The following OTOG variants were observed in gnomAD, a reference collection of about 807,000 sequenced individuals.
OTOG encodes the protein otogelin.
A neutral mutation model predicts 313.8 loss-of-function variants in OTOG; 296 were observed. The observed-to-expected ratio is 0.94, with a 90% CI of 0.86 to 1.04. The LOEUF is 1.04. OTOG is among the 50% of genes least tolerant of loss of function. OTOG has a pLI of 0.00. For missense variants in OTOG, 3,948 were observed against 3,840.1 expected (o/e 1.03, Z -0.74); for synonymous variants, 1,533 against 1,554.9 (o/e 0.99, Z 0.33).
intron 39 of OTOG, 36 bp downstream of exon 39, chr11:17,613,737 CCA>C (rs2134099829): frequency 1.3e-6 from 2 of 1,521,946 alleles, no homozygotes; most frequent in East Asian, 4.9e-5. Context: ...CAGGGCAGGG[CCA>C]CAGTCAGCTG....
chr11:17,553,771 T>C (rs1486524605), intron 6 of OTOG, among the ~76,000 whole-genome samples: 1 of 152,240 alleles, frequency 6.6e-6, no homozygotes, highest in Non-Finnish European at 1.5e-5. Flanking sequence ...TACTGTACTC[T>C]TTTCTGGCAT....
At chr11:17,622,834 G>A (rs567804804) in intron 39 of OTOG, among the ~76,000 whole-genome samples, 25 of 152,274 alleles carry the variant, frequency 1.6e-4, no homozygotes, top group East Asian at 3.9e-4. Flanking sequence ...ATATCACTTC[G>A]ATATACGGAT....
intron 29 of OTOG, among the ~76,000 whole-genome samples, chr11:17,596,380 C>G (rs369974178): frequency 2.0e-5 from 3 of 152,334 alleles, no homozygotes; most frequent in Non-Finnish European, 2.9e-5. Context: ...CTTTTCAAGC[C>G]CATCTTGATC....
intron 32 of OTOG, 69 bp from the exon 33 acceptor site, chr11:17,605,788 C>T: frequency 1.4e-6 from 2 of 1,459,622 alleles, no homozygotes; most frequent in Non-Finnish European, 1.8e-6. Flanking sequence ...CAGATGTGTG[C>T]CAGGATGCTG....
intron 49 of OTOG, among the ~76,000 whole-genome samples, chr11:17,639,924 T>C (rs981193396): frequency 6.9e-5 from 10 of 145,406 alleles, no homozygotes; most frequent in African/African-American, 2.6e-4. Flanking sequence ...AGGATGGTGG[T>C]GGTGGTGATG....
intron 19 of OTOG, among the ~76,000 whole-genome samples, chr11:17,574,229 C>T (rs1590012155): frequency 1.3e-5 from 2 of 152,080 alleles, no homozygotes; most frequent in African/African-American, 4.8e-5. Flanking sequence ...AGTCTTGGGA[C>T]AAAGGGAGCA....
At position 17,578,487 on chromosome 11, in the gene OTOG, C is replaced by T. The variant is rs752648372; in HGVS notation, c.2720C>T (p.Ala907Val). 3.9e-6 allele frequency: 6 copies of T among 1,539,616 alleles called. No individual in the cohort carries two copies. Among genetic ancestry groups the T allele is most frequent in the Non-Finnish European group, 4.4e-6 (5 of 1,146,766 alleles). Reference protein sequence around the residue: ...EQQLLNLSVSARGPCLSGCAC... With the variant: ...EQQLLNLSVSVRGPCLSGCAC... ...CAACTGCTGAACCTGAGCGTGTCAG[C>T]CCGTGGCCCCTGCCTCTCGGGCTGC... The change falls in exon 23 of 56, where the codon GCC (alanine) becomes GTC (valine). Residue 907 changes from alanine (A) to valine (V), a missense_variant. Ala to Val is a moderately conservative substitution (Grantham distance 64, BLOSUM62 0). Coordinates refer to ENST00000399397, the MANE Select transcript of OTOG (RefSeq NM_001292063.2).
chr11:17,575,650 C>G (rs1196281732), intron 20 of OTOG, among the ~76,000 whole-genome samples: 1 of 152,182 alleles, frequency 6.6e-6, no homozygotes, highest in Admixed American at 6.5e-5. Flanking sequence ...TAAAATGATA[C>G]ACATTTGATT....
Position 17,553,388 on chromosome 11 carries a change from G to T in OTOG, c.409G>T (p.Asp137Tyr). ...QMVYNAGPER[D>Y]SICRAWGQHH... Reference sequence around the variant, plus strand: ...AGTGTACAATGCCGGCCCTGAGAGGGACAGCATTTGCCGGGCGTGGGGGCA... The same window carrying T: ...AGTGTACAATGCCGGCCCTGAGAGGTACAGCATTTGCCGGGCGTGGGGGCA... The change falls in exon 6 of 56, where the codon GAC (aspartate) becomes TAC (tyrosine). Residue 137 changes from aspartate (D) to tyrosine (Y), a missense_variant. Coordinates refer to ENST00000399397, the MANE Select transcript of OTOG (RefSeq NM_001292063.2). 6.8e-7 allele frequency: 1 copy of T among 1,464,186 alleles called. No individual in the cohort carries two copies. The highest frequency in any genetic ancestry group is 9.1e-7 in the Non-Finnish European group (1 of 1,104,802). The allele number at this position is 1,464,186 out of a possible 1,614,324, so 90.7% of individuals were successfully genotyped here.
rs1370395964 is a variant in OTOG at position 17,641,048 on chromosome 11, A to G, written c.8147A>G (p.Gln2716Arg). 9.7e-6 allele frequency: 15 copies of G among 1,541,150 alleles called. No individual in the cohort carries two copies. The highest frequency in any genetic ancestry group is 1.2e-5 in the Non-Finnish European group (14 of 1,143,882). The change falls in exon 51 of 56, where the codon CAG becomes CGG. Residue 2716 changes from glutamine to arginine, a missense_variant. Coordinates refer to ENST00000399397, the MANE Select transcript of OTOG (RefSeq NM_001292063.2). ...TVLDPLTNFY[Q>R]INTTSVLCDI... ...CTCGACCCTCTCACCAACTTCTACCAGATCAACACCACCTCCGTGCTCTGT... is the reference window on the plus strand; with the variant it reads ...CTCGACCCTCTCACCAACTTCTACCGGATCAACACCACCTCCGTGCTCTGT...
At position 17,559,675 on chromosome 11, in the gene OTOG, C is replaced by T. The variant is rs1487853407; in HGVS notation, c.1342+13C>T. 4 of 1,550,104 alleles carry T rather than the reference C, an allele frequency of 2.6e-6. No individual in the cohort carries two copies. The highest frequency in any genetic ancestry group is 3.5e-6 in the Non-Finnish European group (4 of 1,146,820). On this transcript the variant is annotated intron_variant, in intron 12 of 55. Coordinates refer to ENST00000399397, the MANE Select transcript of OTOG (RefSeq NM_001292063.2). ...TATTGCCCCAATGGTATGCTAGGGG[C>T]AGACGTAGGTGCCTGGCACCATCTT...
intron 31 of OTOG, 97 bp downstream of exon 31, chr11:17,599,794 C>A (rs1853202843): frequency 7.1e-7 from 1 of 1,409,510 alleles, no homozygotes; most frequent in East Asian, 2.5e-5. Flanking sequence ...GCGCTGCTGG[C>A]CCTGGAAGAG....
chr11:17,548,007 G>T lies in OTOG; in HGVS notation c.155+20G>T. 1.2e-6 allele frequency: 1 copy of T among 866,366 alleles called. No individual in the cohort carries two copies. Among genetic ancestry groups the T allele is most frequent in the South Asian group, 2.4e-5 (1 of 41,938 alleles). The allele number at this position is 866,366 out of a possible 1,614,324, so 53.7% of individuals were successfully genotyped here. Reference sequence around the variant, plus strand: ...ACCCAGGTGAGTAGGTGTGAGCTGTGGCGGCCCCACCCACAGCTCCCATCC... The same window carrying T: ...ACCCAGGTGAGTAGGTGTGAGCTGTTGCGGCCCCACCCACAGCTCCCATCC... On this transcript the variant is annotated intron_variant, in intron 2 of 55. Transcript: ENST00000399397.
rs56402246 is a variant in OTOG, at chr11:17,548,418, C to CTTTT, written c.216+241_216+244dup. On this transcript the variant is annotated intron_variant, in intron 3 of 55. Transcript: ENST00000399397. ...ATCTCTTGGGGGTCTATAGTCCACT[C>CTTTT]TTTTTTTTTTTTTTTTTTTTTTTTT... Among the ~76,000 whole-genome samples, 43 of 87,614 alleles carry CTTTT rather than the reference C, an allele frequency of 4.9e-4. 3 individuals carry two copies. Among genetic ancestry groups the CTTTT allele is most frequent in the East Asian group, 3.5e-3 (12 of 3,404 alleles). 57.5% of individuals were successfully genotyped at this position (87,614 alleles called of 152,430 possible). A position where few individuals can be genotyped will look rare whatever the true frequency, so the allele number is the denominator to read the frequency against.
chr11:17,578,648 GC>G, intron 23 of OTOG, 122 bp downstream of exon 23: 1 of 1,250,538 alleles, frequency 8.0e-7, no homozygotes, highest in Non-Finnish European at 1.1e-6. Context: ...GCCCAGGCTG[GC>G]CAGCCACAGC....
Position 17,573,150 on chromosome 11 carries a change from C to T in OTOG, c.2153C>T (p.Pro718Leu), listed in dbSNP as rs1179696380. The T allele has an allele frequency of 1.3e-6, 2 of 1,545,612 alleles. No homozygotes were observed. Among genetic ancestry groups the T allele is most frequent in the Admixed American group, 3.9e-5 (2 of 50,990 alleles). The change falls in exon 19 of 56, where the codon CCC becomes CTC. Residue 718 changes from proline to leucine, a missense_variant. Physicochemically the swap from Pro to Leu is moderately conservative, Grantham distance 98. Coordinates refer to ENST00000399397, the MANE Select transcript of OTOG (RefSeq NM_001292063.2). ...GCGCCCTGCTCTGCGTTCCTGAGCC[C>T]CGTGCCCTACTTTGAGCAGTGCCGC... ...MFAPCSAFLS[P>L]VPYFEQCRRD...
Position 17,572,209 on chromosome 11 carries a change from G to C in OTOG, c.2080+5G>C, listed in dbSNP as rs765790706. ...GCGATGTGCACCTGCAAGCCGGTGA[G>C]TTGGTGGGGGAAGAGGAGAGGCATG... On this transcript the variant is annotated splice_donor_5th_base_variant and intron_variant, in intron 18 of 55. Coordinates refer to ENST00000399397, the MANE Select transcript of OTOG (RefSeq NM_001292063.2). The C allele has an allele frequency of 5.4e-5, 84 of 1,550,286 alleles. No individual in the cohort carries two copies. The highest frequency in any genetic ancestry group is 6.1e-6 in the Non-Finnish European group (7 of 1,146,832).
chr11:17,643,979 C>T (rs1590064539), intron 54 of OTOG, among the ~76,000 whole-genome samples: 1 of 152,334 alleles, frequency 6.6e-6, no homozygotes, highest in Admixed American at 6.5e-5. Flanking sequence ...CGCCCAGGTA[C>T]TCCTCTCGGA....
intron 11 of OTOG, 42 bp downstream of exon 11, chr11:17,559,203 G>A: frequency 1.4e-6 from 2 of 1,409,542 alleles, no homozygotes; most frequent in Non-Finnish European, 1.9e-6. Flanking sequence ...CCTTCAGGCT[G>A]TGGGTGGCAT....
Sources: gnomAD v4.1 joint callset for allele counts (sites outside exome capture counted in the v4.1 genomes callset) on GRCh38, gnomAD v4.1.1 for gene constraint, MANE v1.5 for transcripts, NCBI Gene and HGNC (gene_info 2026-07-23, HGNC 2026-07-21) for gene names.